Variants in CADM2 observed in about 807,000 individuals in gnomAD.
CADM2 encodes immunoglobulin superfamily member 4D.
A neutral mutation model predicts 49.8 loss-of-function variants in CADM2; 12 were observed. That is an observed-to-expected ratio of 0.24 (90% CI 0.15 to 0.39). The LOEUF (loss-of-function observed/expected upper bound fraction) is 0.39, where lower values mean the gene tolerates loss of function less well. Ranked by LOEUF, CADM2 falls within the 10% of genes least tolerant of loss-of-function variation. CADM2 has a pLI of 1.00. For synonymous variants in CADM2, 214 were observed against 175.4 expected (o/e 1.22, Z -1.74); for missense variants, 378 against 492.3 (o/e 0.77, Z 2.20).
chr3:85,270,567 C>G (rs945353786), intron 1 of CADM2, among the ~76,000 whole-genome samples: 1 of 151,188 alleles, frequency 6.6e-6, no homozygotes, highest in African/African-American at 2.4e-5. Context: ...GCCCTGTGTT[C>G]CATTCAGACT....
intron 7 of CADM2, among the ~76,000 whole-genome samples, chr3:85,943,536 T>C (rs1364548142): frequency 1.3e-5 from 2 of 151,524 alleles, no homozygotes; most frequent in Non-Finnish European, 2.9e-5. Context: ...AGGGATCCAG[T>C]TTCAGCTTTC....
In CADM2 at chr3:85,424,614, G is replaced by A. The variant is rs531727788; in HGVS notation, c.62-301908G>A. ...TCATTGTTCAAGAAGAGTTGTTAGA[G>A]CGTCCTGTGAAATGCAAACAGCAAA... On this transcript the variant is annotated intron_variant, in intron 1 of 9. Transcript: ENST00000383699. 1.4e-3 allele frequency among the ~76,000 whole-genome samples: 220 copies of A among 152,224 alleles called. 1 individual carries two copies. In the Middle Eastern group the frequency reaches 0.02, roughly 14 times the overall value.
chr3:85,041,593 C>CT (rs1203845718), intron 1 of CADM2, among the ~76,000 whole-genome samples: 1 of 152,128 alleles, frequency 6.6e-6, no homozygotes, highest in East Asian at 1.9e-4. Context: ...CAAGGCTCTT[C>CT]TTTCTAACTT....
chr3:85,100,646 G>A (rs2037976675), intron 1 of CADM2, among the ~76,000 whole-genome samples: 1 of 152,090 alleles, frequency 6.6e-6, no homozygotes, highest in South Asian at 2.1e-4. Context: ...TTCATTTGTA[G>A]CTTGTAACTT....
At chr3:86,035,741 A>C (rs1735077025) in intron 8 of CADM2, among the ~76,000 whole-genome samples, 1 of 152,044 alleles carries the variant, frequency 6.6e-6, no homozygotes, top group South Asian at 2.1e-4. Flanking sequence ...CCAAATGTCT[A>C]AGTCAACCCA....
intron 1 of CADM2, among the ~76,000 whole-genome samples, chr3:85,429,189 T>C (rs2036556279): frequency 6.6e-6 from 1 of 152,108 alleles, no homozygotes; most frequent in South Asian, 2.1e-4. Flanking sequence ...CTCTGCCATG[T>C]TCTAGCTGTG....
chr3:85,914,030 T>G (rs1577648070), intron 6 of CADM2, among the ~76,000 whole-genome samples: 1 of 152,242 alleles, frequency 6.6e-6, no homozygotes, highest in East Asian at 1.9e-4. Flanking sequence ...GAACTAGAAT[T>G]TTTTGATTAC....
chr3:85,359,664 A>T (rs71626886), intron 1 of CADM2, among the ~76,000 whole-genome samples: 11,393 of 29,932 alleles, frequency 0.38, 1,789 homozygotes, highest in Non-Finnish European at 0.46. Flanking sequence ...ATATATATAT[A>T]TATTTTTTTT....
chr3:85,061,273 C>A (rs1405169445), intron 1 of CADM2, among the ~76,000 whole-genome samples: 2 of 152,020 alleles, frequency 1.3e-5, no homozygotes, highest in African/African-American at 2.4e-5. Flanking sequence ...AGTCATTCAC[C>A]ATTCAAGAGA....
intron 2 of CADM2, among the ~76,000 whole-genome samples, chr3:85,746,752 C>T (rs2068638440): frequency 6.6e-6 from 1 of 152,058 alleles, no homozygotes; most frequent in African/African-American, 2.4e-5. Flanking sequence ...CTTCCCGTGA[C>T]TCAGGGGGTA....
chr3:85,132,333 T>C (rs1236992775), intron 1 of CADM2, among the ~76,000 whole-genome samples: 1 of 152,180 alleles, frequency 6.6e-6, no homozygotes, highest in East Asian at 1.9e-4. Flanking sequence ...ATATTGTCCA[T>C]AGTAATCCAC....
chr3:85,797,440 G>A (rs931841647), intron 2 of CADM2, among the ~76,000 whole-genome samples: 2 of 152,042 alleles, frequency 1.3e-5, no homozygotes, highest in Non-Finnish European at 2.9e-5. Flanking sequence ...GGTGTGTGAT[G>A]TTCCTCTCCT....
At chr3:85,763,857 C>G (rs569015467) in intron 2 of CADM2, among the ~76,000 whole-genome samples, 79 of 152,250 alleles carry the variant, frequency 5.2e-4, no homozygotes, top group African/African-American at 1.8e-3. Flanking sequence ...TACCCATACC[C>G]TCTTTACTGA....
chr3:85,230,738 ATCT>A (rs1413865072), intron 1 of CADM2, among the ~76,000 whole-genome samples: 7 of 152,138 alleles, frequency 4.6e-5, no homozygotes, highest in African/African-American at 1.7e-4. Context: ...GTTCTGCATA[ATCT>A]TCTTAAAATA....
chr3:85,646,613 TAA>T (rs1313225022), intron 1 of CADM2, among the ~76,000 whole-genome samples: 1 of 151,824 alleles, frequency 6.6e-6, no homozygotes, highest in Non-Finnish European at 1.5e-5. Context: ...AAATAAACCA[TAA>T]AAAAGTCTTG....
chr3:85,038,564 G>C (rs1487173166), intron 1 of CADM2, among the ~76,000 whole-genome samples: 1 of 152,126 alleles, frequency 6.6e-6, no homozygotes, highest in Non-Finnish European at 1.5e-5. Flanking sequence ...CCCAATAGGT[G>C]GCTTTGATGC....
chr3:86,030,311 A>T (rs928775542), intron 8 of CADM2, among the ~76,000 whole-genome samples: 1 of 152,044 alleles, frequency 6.6e-6, no homozygotes. Context: ...TGTTATAAAG[A>T]AAGAAACAAT....
intron 1 of CADM2, among the ~76,000 whole-genome samples, chr3:85,668,187 C>T (rs1208843918): frequency 1.3e-5 from 2 of 151,056 alleles, no homozygotes; most frequent in Non-Finnish European, 2.9e-5. Flanking sequence ...TCTGCTCATC[C>T]TCCTTCTGAT....
intron 1 of CADM2, among the ~76,000 whole-genome samples, chr3:85,461,640 C>T (rs1284482846): frequency 7.4e-6 from 1 of 135,988 alleles, no homozygotes; most frequent in Non-Finnish European, 1.6e-5. Context: ...CAAGTTCTTA[C>T]TGCCTTTCAG....
Sources: allele counts gnomAD v4.1 joint callset (sites outside exome capture counted in the v4.1 genomes callset), GRCh38; gene constraint gnomAD v4.1.1; transcripts MANE v1.5; gene names NCBI Gene and HGNC (gene_info 2026-07-23, HGNC 2026-07-21).